The following MARCHF10 variants were observed in gnomAD, a reference collection of about 807,000 sequenced individuals.
The protein encoded by MARCHF10 is membrane associated ring-CH-type finger 10.
MARCHF10 carries 64 observed loss-of-function variants against 76.2 expected under a neutral mutation model. The ratio of observed to expected loss-of-function variants is 0.84; its 90% CI spans 0.69 to 1.03. The LOEUF is 1.03. MARCHF10 is among the 50% of genes least tolerant of loss of function. The pLI, the probability that MARCHF10 is intolerant of heterozygous loss-of-function variation, is 0.00. For missense variants in MARCHF10, 875 were observed against 958.0 expected, an observed-to-expected ratio of 0.91 and a Z score of 1.14; for synonymous variants, 340 against 357.5, an observed-to-expected ratio of 0.95 and a Z score of 0.55.
intron 3 of MARCHF10, among the ~76,000 whole-genome samples, chr17:62,770,260 A>C (rs1202266082): frequency 6.6e-6 from 1 of 152,114 alleles, no homozygotes; most frequent in African/African-American, 2.4e-5. Flanking sequence ...TTCTTTATCC[A>C]ATCTACCATT....
At chr17:62,793,283 ACCACCC>A (rs2092908494) in intron 2 of MARCHF10, among the ~76,000 whole-genome samples, 1 of 71,436 alleles carries the variant, frequency 1.4e-5, no homozygotes, top group Non-Finnish European at 2.8e-5. Context: ...CACAACCATC[ACCACCC>A]ACCACCACCA....
At chr17:62,725,477 C>A (rs2090713718) in intron 6 of MARCHF10, among the ~76,000 whole-genome samples, 1 of 152,192 alleles carries the variant, frequency 6.6e-6, no homozygotes, top group Admixed American at 6.5e-5. Context: ...GTTGCCCAGA[C>A]TGGTCTTGAA....
chr17:62,788,750 A>G (rs2092788428), intron 2 of MARCHF10, 151 bp from the exon 3 acceptor site: 21 of 1,161,938 alleles, frequency 1.8e-5, no homozygotes, highest in Non-Finnish European at 2.4e-5. Context: ...AAGACCAGGT[A>G]TCACTCTTCC....
At chr17:62,713,561 A>G (rs966920275) in intron 8 of MARCHF10, among the ~76,000 whole-genome samples, 5 of 152,234 alleles carry the variant, frequency 3.3e-5, no homozygotes, top group African/African-American at 7.2e-5. Flanking sequence ...ATGCTCGACA[A>G]AGGGGCTCAG....
In MARCHF10 at chr17:62,712,617, G is replaced by A. The variant is rs2089989221; in HGVS notation, c.2215-1273C>T. ...TCCACCATTCTACAGATCCATCTTCGAAGGCCCCAGTCCTCTGTCCTTAGC... is the reference window on the plus strand; with the variant it reads ...TCCACCATTCTACAGATCCATCTTCAAAGGCCCCAGTCCTCTGTCCTTAGC... On this transcript the variant is annotated intron_variant, in intron 8 of 10. Transcript: ENST00000311269. The surrounding 1 kb of genome is among the most constrained non-coding windows in gnomAD (Gnocchi z 4.2). Among the ~76,000 whole-genome samples the A allele has an allele frequency of 6.6e-6, 1 of 152,152 alleles. No individual in the cohort carries two copies. The highest frequency in any genetic ancestry group is 1.5e-5 in the Non-Finnish European group (1 of 68,046).
intron 3 of MARCHF10, among the ~76,000 whole-genome samples, chr17:62,782,885 C>T (rs893117773): frequency 6.6e-6 from 1 of 152,132 alleles, no homozygotes; most frequent in Non-Finnish European, 1.5e-5. Flanking sequence ...TTCCTCTCAC[C>T]CTGCCCTTCC....
chr17:62,779,586 C>A (rs765532553), intron 3 of MARCHF10, among the ~76,000 whole-genome samples: 1 of 152,168 alleles, frequency 6.6e-6, no homozygotes. Flanking sequence ...CCAGCCTCCA[C>A]GGACAGCTGA....
intron 3 of MARCHF10, among the ~76,000 whole-genome samples, chr17:62,770,201 T>C (rs1032140661): frequency 1.3e-5 from 2 of 152,252 alleles, no homozygotes; most frequent in Admixed American, 6.5e-5. Context: ...ACATGGTTTC[T>C]TTCTTTTTTA....
intron 3 of MARCHF10, among the ~76,000 whole-genome samples, chr17:62,773,026 A>C (rs941286155): frequency 6.6e-6 from 1 of 152,296 alleles, no homozygotes; most frequent in African/African-American, 2.4e-5. Flanking sequence ...GTTTTTGAAA[A>C]TATTACTCTG....
rs199948207 is a variant in MARCHF10 at position 62,731,718 on chromosome 17, C to T, written c.1937+4213G>A. ...ACAATATACATTAAGAACCTTAAGA[C>T]TCTGCATTCCTTTCATCAGCAGTTA... is the stretch of plus-strand genomic sequence containing the variant. On this transcript the variant is annotated intron_variant, in intron 6 of 10. Coordinates refer to ENST00000311269, the MANE Select transcript of MARCHF10 (RefSeq NM_152598.4). 1.7e-3 allele frequency among the ~76,000 whole-genome samples: 263 copies of T among 152,306 alleles called. 1 individual carries two copies. The highest frequency in any genetic ancestry group is 6.2e-3 in the African/African-American group (256 of 41,566).
intron 8 of MARCHF10, among the ~76,000 whole-genome samples, chr17:62,715,016 C>A (rs545008865): frequency 1.2e-4 from 19 of 152,274 alleles, no homozygotes; most frequent in Non-Finnish European, 2.1e-4. Context: ...CAAAGTGTTG[C>A]GATTACAGGC....
intron 10 of MARCHF10, 104 bp downstream of exon 10, chr17:62,705,435 G>A: frequency 6.2e-7 from 1 of 1,605,464 alleles, no homozygotes; most frequent in Non-Finnish European, 8.5e-7. Context: ...GCCTCTGGGT[G>A]GTGGTCATTC....
At chr17:62,798,168 G>A (rs939217483) in intron 2 of MARCHF10, among the ~76,000 whole-genome samples, 1 of 152,170 alleles carries the variant, frequency 6.6e-6, no homozygotes, top group African/African-American at 2.4e-5. Flanking sequence ...AGCAGAGGAT[G>A]AGATGAGTCA....
intron 3 of MARCHF10, among the ~76,000 whole-genome samples, chr17:62,784,381 A>G (rs527928410): frequency 7.2e-5 from 11 of 152,338 alleles, no homozygotes; most frequent in Admixed American, 5.9e-4. Context: ...TCTCAAAATA[A>G]TAAGAGCTAT....
At chr17:62,721,139 G>T (rs1170188328) in intron 8 of MARCHF10, among the ~76,000 whole-genome samples, 1 of 152,088 alleles carries the variant, frequency 6.6e-6, no homozygotes, top group Non-Finnish European at 1.5e-5. Context: ...AAAGTGCTGG[G>T]ATTAGTGATT....
intron 1 of MARCHF10, among the ~76,000 whole-genome samples, chr17:62,807,804 G>A (rs1370345951): frequency 6.6e-6 from 1 of 152,264 alleles, no homozygotes; most frequent in East Asian, 1.9e-4. Flanking sequence ...GCATTCAGAA[G>A]CCCAGTGGGC....
rs2089947838 is a variant in MARCHF10, at chr17:62,711,824, C to T, written c.2215-480G>A. 6.6e-6 allele frequency among the ~76,000 whole-genome samples: 1 copy of T among 152,232 alleles called. No homozygotes were observed. Among genetic ancestry groups the T allele is most frequent in the African/African-American group, 2.4e-5 (1 of 41,460 alleles). ...CGTTCTCAGCAGTCACAGATGTCCC[C>T]TTGTGAAAGGCTTCCTGAGGAGCCT... On this transcript the variant is annotated intron_variant, in intron 8 of 10. Coordinates refer to ENST00000311269, the MANE Select transcript of MARCHF10 (RefSeq NM_152598.4). The surrounding 1 kb of genome is among the most constrained non-coding windows in gnomAD (Gnocchi z 4.4).
chr17:62,751,256 C>A (rs2091889224), intron 4 of MARCHF10, among the ~76,000 whole-genome samples: 1 of 152,160 alleles, frequency 6.6e-6, no homozygotes, highest in South Asian at 2.1e-4. Context: ...GCTGGGTCAC[C>A]TTGAATCGAC....
chr17:62,720,401 T>A (rs1250088828), intron 8 of MARCHF10, among the ~76,000 whole-genome samples: 1 of 152,178 alleles, frequency 6.6e-6, no homozygotes, highest in African/African-American at 2.4e-5. Flanking sequence ...ACTTCACAAG[T>A]GCTTCTCAGT....
Sources: gnomAD v4.1 joint callset for allele counts (sites outside exome capture counted in the v4.1 genomes callset) on GRCh38, gnomAD v4.1.1 for gene constraint, Gnocchi (gnomAD v3.1) non-coding constraint, MANE v1.5 for transcripts, NCBI Gene and HGNC (gene_info 2026-07-23, HGNC 2026-07-21) for gene names.